The following HMGA2 variants were observed in gnomAD, a reference collection of about 807,000 sequenced individuals.
HMGA2 encodes high mobility group protein HMGI-C.
A neutral mutation model predicts 19.1 loss-of-function variants in HMGA2; 8 were observed. That is an observed-to-expected ratio of 0.42 (90% CI 0.25 to 0.76). HMGA2 has a LOEUF of 0.76. Ranked by LOEUF, HMGA2 falls within the 30% of genes least tolerant of loss-of-function variation. The pLI is 0.28. For missense variants in HMGA2, 109 were observed against 136.3 expected, an observed-to-expected ratio of 0.80 and a Z score of 1.00; for synonymous variants, 60 against 48.8, an observed-to-expected ratio of 1.23 and a Z score of -0.96.
Position 65,964,302 on chromosome 12 carries a change from G to C in HMGA2, c.*1010G>C. 1 of 164,988 alleles carries C rather than the reference G, an allele frequency of 6.1e-6. No homozygotes were observed. The highest frequency in any genetic ancestry group is 1.2e-5 in the Non-Finnish European group (1 of 82,436). 10.2% of individuals were successfully genotyped at this position (164,988 alleles called of 1,614,324 possible). The stretch of plus-strand genomic sequence containing the variant: ...AATTTAAAAAGCAAAAAAAAAAAAG[G>C]GGGGGGCAATCTCTCTCTGTGTCTT... On this transcript the variant is annotated 3_prime_UTR_variant, in exon 5 of 5. Coordinates refer to ENST00000403681, the MANE Select transcript of HMGA2 (RefSeq NM_003483.6).
At chr12:65,915,502 T>A in intron 3 of HMGA2, 1 of 1,195,814 alleles carries the variant, frequency 8.4e-7, no homozygotes, top group South Asian at 2.1e-5. Context: ...GTGGTTTGAT[T>A]TCATAAAACA....
At chr12:65,866,858 C>A (rs867471496) in intron 3 of HMGA2, 17 of 457,144 alleles carry the variant, frequency 3.7e-5, no homozygotes, top group African/African-American at 2.0e-4. Context: ...CTCAACCCAT[C>A]TGAGTCAAAT....
chr12:65,907,510 C>T (rs573282570), intron 3 of HMGA2, among the ~76,000 whole-genome samples: 11 of 151,628 alleles, frequency 7.3e-5, no homozygotes, highest in Admixed American at 3.9e-4. Flanking sequence ...TAGGGGATCA[C>T]TCAACAATCA....
intron 2 of HMGA2, among the ~76,000 whole-genome samples, chr12:65,834,695 A>T (rs1374501173): frequency 6.6e-6 from 1 of 151,870 alleles, no homozygotes. Context: ...ACGAGGCACT[A>T]GTGCTAAGCA....
chr12:65,958,409 T>G (rs1876661391), intron 4 of HMGA2: 2 of 152,212 alleles, frequency 1.3e-5, no homozygotes, highest in African/African-American at 4.8e-5. Flanking sequence ...ATTTAACATG[T>G]TTTTTAAAAA....
chr12:65,949,411 G>A (rs904797111), intron 3 of HMGA2, among the ~76,000 whole-genome samples: 11 of 152,058 alleles, frequency 7.2e-5, no homozygotes, highest in Admixed American at 3.9e-4. Context: ...AATAGTGAAC[G>A]TATCCTAAGT....
intron 3 of HMGA2, among the ~76,000 whole-genome samples, chr12:65,949,426 T>C (rs1210077850): frequency 1.3e-5 from 2 of 152,108 alleles, no homozygotes; most frequent in South Asian, 2.1e-4. Flanking sequence ...CTAAGTGCTG[T>C]TATTTGGGAG....
At position 65,915,187 on chromosome 12, in the gene HMGA2, G is replaced by T. The variant is rs1439389399; in HGVS notation, c.250-36196G>T. On this transcript the variant is annotated intron_variant, in intron 3 of 4. Transcript: ENST00000403681. The stretch of plus-strand genomic sequence containing the variant: ...CATGTTATTTTCACCTTGAGGAATT[G>T]TCCATTACATCTATGAGCCTTATGT... 5.0e-6 allele frequency: 8 copies of T among 1,609,362 alleles called. No individual in the cohort carries two copies. In the South Asian group the frequency reaches 6.6e-5, roughly 13 times the overall value.
chr12:65,825,019 C>T lies in HMGA2; in HGVS notation c.-252C>T, dbSNP rs537950543. 7.2e-3 allele frequency: 3,076 copies of T among 427,980 alleles called. 29 individuals are homozygous for T. Among genetic ancestry groups the T allele is most frequent in the Admixed American group, 0.018 (390 of 22,006 alleles). The allele number at this position is 427,980 out of a possible 1,614,324, so 26.5% of individuals were successfully genotyped here. ...ACCTCCGGCACCCACCCACCGCCGCCGCCGCCACCGGCAGCGCCTCCTCCT... is the reference window on the plus strand; with the variant it reads ...ACCTCCGGCACCCACCCACCGCCGCTGCCGCCACCGGCAGCGCCTCCTCCT... On this transcript the variant is annotated 5_prime_UTR_variant, in exon 1 of 5. Coordinates refer to ENST00000403681, the MANE Select transcript of HMGA2 (RefSeq NM_003483.6). This position sits in a 1 kb window ranked among gnomAD's most constrained non-coding sequence, Gnocchi z 4.4.
At chr12:65,841,287 C>A (rs574640666) in intron 3 of HMGA2, among the ~76,000 whole-genome samples, 1 of 152,214 alleles carries the variant, frequency 6.6e-6, no homozygotes, top group Non-Finnish European at 1.5e-5. Flanking sequence ...AATAGCTGGG[C>A]CATTTTCTTT....
At position 65,952,790 on chromosome 12, in the gene HMGA2, G is replaced by T. The variant is rs921457038; in HGVS notation, c.282+1375G>T. ...GGCAGAGTTCACATTTGCATCACAG[G>T]CTGTGAACTATAGATTAATCACTTT... On this transcript the variant is annotated intron_variant, in intron 4 of 4. Coordinates refer to ENST00000403681, the MANE Select transcript of HMGA2 (RefSeq NM_003483.6). The T allele has an allele frequency of 1.1e-4, 20 of 186,364 alleles. No homozygotes were observed. In the East Asian group the frequency reaches 2.7e-3, roughly 25 times the overall value. The allele number at this position is 186,364 out of a possible 1,614,324, so 11.5% of individuals were successfully genotyped here.
At chr12:65,885,522 A>G (rs1259046139) in intron 3 of HMGA2, among the ~76,000 whole-genome samples, 1 of 152,194 alleles carries the variant, frequency 6.6e-6, no homozygotes, top group East Asian at 1.9e-4. Flanking sequence ...GATTTGCCAC[A>G]TGAGCCAATG....
In HMGA2 at chr12:65,825,133, G is replaced by T. The variant is rs2120805772; in HGVS notation, c.-138G>T. On this transcript the variant is annotated 5_prime_UTR_variant, in exon 1 of 5. Transcript: ENST00000403681. This position sits in a 1 kb window ranked among gnomAD's most constrained non-coding sequence, Gnocchi z 4.4. ...AGCGGCGGCAGCCTAAGCAACAGCAGCCCTCGCAGCCCGCCAGCTCGCGCT... is the reference window on the plus strand; with the variant it reads ...AGCGGCGGCAGCCTAAGCAACAGCATCCCTCGCAGCCCGCCAGCTCGCGCT... 1.6e-6 allele frequency: 1 copy of T among 636,198 alleles called. No homozygotes were observed. Among genetic ancestry groups the T allele is most frequent in the Non-Finnish European group, 2.5e-6 (1 of 395,488 alleles). 39.4% of individuals were successfully genotyped at this position (636,198 alleles called of 1,614,324 possible). A position where few individuals can be genotyped will look rare whatever the true frequency, so the allele number is the denominator to read the frequency against.
chr12:65,867,687 G>T lies in HMGA2; in HGVS notation c.249+29118G>T, dbSNP rs139811507. The T allele has an allele frequency of 5.3e-3, 1,275 of 239,696 alleles. 5 individuals carry two copies. The highest frequency in any genetic ancestry group is 8.5e-3 in the Non-Finnish European group (947 of 111,724). The allele number at this position is 239,696 out of a possible 1,614,324, so 14.8% of individuals were successfully genotyped here. A position where few individuals can be genotyped will look rare whatever the true frequency, so the allele number is the denominator to read the frequency against. Reference sequence around the variant, plus strand: ...GAGGCATGAGCTATTAGTCAGAGCCGTAAGGCTGCCTGCAGGAGAAGAACT... The same window carrying T: ...GAGGCATGAGCTATTAGTCAGAGCCTTAAGGCTGCCTGCAGGAGAAGAACT... On this transcript the variant is annotated intron_variant, in intron 3 of 4. Coordinates refer to ENST00000403681, the MANE Select transcript of HMGA2 (RefSeq NM_003483.6).
intron 3 of HMGA2, among the ~76,000 whole-genome samples, chr12:65,936,839 C>T (rs918320606): frequency 1.8e-4 from 28 of 152,306 alleles, no homozygotes; most frequent in Non-Finnish European, 2.6e-4. Flanking sequence ...ACACAGCTTA[C>T]GCATACCTGG....
intron 3 of HMGA2, among the ~76,000 whole-genome samples, chr12:65,850,855 A>G (rs907584088): frequency 1.3e-5 from 2 of 152,212 alleles, no homozygotes; most frequent in Non-Finnish European, 2.9e-5. Context: ...AGGAGATTTC[A>G]TGAGCATCCT....
rs531517929 is a variant in HMGA2 at position 65,914,421 on chromosome 12, C to T, written c.250-36962C>T. Among the ~76,000 whole-genome samples the T allele has an allele frequency of 5.7e-3, 822 of 144,588 alleles. 6 individuals are homozygous for T. The highest frequency in any genetic ancestry group is 0.02 in the African/African-American group (774 of 38,744). 94.9% of individuals were successfully genotyped at this position (144,588 alleles called of 152,430 possible). ...AAAAACCAAACACCGCATATTCTCA[C>T]TCATAGGTGGGAATTGAACAATGAG... On this transcript the variant is annotated intron_variant, in intron 3 of 4. Coordinates refer to ENST00000403681, the MANE Select transcript of HMGA2 (RefSeq NM_003483.6).
intron 3 of HMGA2, among the ~76,000 whole-genome samples, chr12:65,869,195 A>G (rs1281073144): frequency 1.3e-5 from 2 of 152,270 alleles, no homozygotes; most frequent in African/African-American, 4.8e-5. Flanking sequence ...AGTATTTATC[A>G]TTTAAATTAG....
chr12:65,922,469 C>A (rs1204476544), intron 3 of HMGA2, among the ~76,000 whole-genome samples: 1 of 152,182 alleles, frequency 6.6e-6, no homozygotes, highest in Admixed American at 6.5e-5. Flanking sequence ...TGGCCAATTT[C>A]TCCCATTTGG....
Sources: allele counts gnomAD v4.1 joint callset (sites outside exome capture counted in the v4.1 genomes callset), GRCh38; gene constraint gnomAD v4.1.1; non-coding constraint Gnocchi (gnomAD v3.1); transcripts MANE v1.5; gene names NCBI Gene and HGNC (gene_info 2026-07-23, HGNC 2026-07-21).